IPO11: variants seen among roughly 807,000 people sequenced by gnomAD.
IPO11 encodes importin-11.
Under a neutral mutation model 143.2 loss-of-function variants are expected in IPO11, and 66 were observed. The ratio of observed to expected loss-of-function variants is 0.46; its 90% CI spans 0.38 to 0.57. IPO11 has a LOEUF of 0.57. Ranked by LOEUF, IPO11 falls within the 20% of genes least tolerant of loss-of-function variation. The probability of loss-of-function intolerance (pLI) is 0.00; values close to 1 mark genes in which losing one functional copy is unlikely to be tolerated. For missense variants in IPO11, 1,026 were observed against 1,141.0 expected (o/e 0.90, Z 1.45); for synonymous variants, 385 against 377.8 (o/e 1.02, Z -0.22).
intron 1 of IPO11, chr5:62,418,755 A>G (rs1743386233): frequency 3.3e-6 from 1 of 304,012 alleles, no homozygotes; most frequent in Non-Finnish European, 6.1e-6. Context: ...GATACATTTT[A>G]TACATATTTC....
In IPO11 at chr5:62,565,243, T is replaced by C. The variant is rs145636671; in HGVS notation, c.2582+3986T>C. 4.5e-3 allele frequency among the ~76,000 whole-genome samples: 693 copies of C among 152,338 alleles called. 5 individuals carry two copies. The highest frequency in any genetic ancestry group is 0.016 in the African/African-American group (650 of 41,586). On this transcript the variant is annotated intron_variant, in intron 27 of 29. Coordinates refer to ENST00000325324, the MANE Select transcript of IPO11 (RefSeq NM_016338.5). The stretch of plus-strand genomic sequence containing the variant: ...GCTCACACCTGTAATCCCAGCACTT[T>C]TGGAGGCCGAGGCAGGCAGATCACT...
At chr5:62,595,636 T>C (rs1745186898) in intron 28 of IPO11, among the ~76,000 whole-genome samples, 1 of 152,210 alleles carries the variant, frequency 6.6e-6, no homozygotes, top group African/African-American at 2.4e-5. Flanking sequence ...TTAACGTTGA[T>C]ACTAGTATTT....
chr5:62,544,642 GA>G (rs952846467), intron 24 of IPO11, among the ~76,000 whole-genome samples: 2 of 152,104 alleles, frequency 1.3e-5, no homozygotes, highest in Non-Finnish European at 2.9e-5. Flanking sequence ...ATTCAATTAG[GA>G]AAAGAGGAAG....
chr5:62,523,950 G>A (rs192702440), intron 20 of IPO11, among the ~76,000 whole-genome samples: 339 of 152,114 alleles, frequency 2.2e-3, no homozygotes, highest in African/African-American at 7.7e-3. Context: ...AGATTCACAG[G>A]ACGTTTGAAA....
In IPO11 at chr5:62,464,980, G is replaced by A. The variant is rs527399961; in HGVS notation, c.517-2151G>A. On this transcript the variant is annotated intron_variant, in intron 5 of 29. Coordinates refer to ENST00000325324, the MANE Select transcript of IPO11 (RefSeq NM_016338.5). ...CGGTTTAAAGTATAATAGTTTTTTGGTCTTATTTGAAATTTGGATATGGCA... is the reference window on the plus strand; with the variant it reads ...CGGTTTAAAGTATAATAGTTTTTTGATCTTATTTGAAATTTGGATATGGCA... 1.6e-4 allele frequency among the ~76,000 whole-genome samples: 25 copies of A among 152,172 alleles called. No individual in the cohort carries two copies. The South Asian group carries it at 5.2e-3, about 32-fold the overall frequency.
chr5:62,534,029 T>C (rs1580294650), intron 22 of IPO11, among the ~76,000 whole-genome samples: 1 of 152,036 alleles, frequency 6.6e-6, no homozygotes, highest in Non-Finnish European at 1.5e-5. Context: ...ATAGAACACT[T>C]TAAGATGTTT....
intron 24 of IPO11, among the ~76,000 whole-genome samples, chr5:62,545,268 A>G (rs1743126874): frequency 1.3e-5 from 2 of 152,212 alleles, no homozygotes; most frequent in South Asian, 4.1e-4. Context: ...CCAATGGAAC[A>G]TAACAGAGTC....
At chr5:62,514,151 G>A (rs1164154068) in intron 19 of IPO11, among the ~76,000 whole-genome samples, 4 of 151,868 alleles carry the variant, frequency 2.6e-5, no homozygotes, top group African/African-American at 4.9e-5. Context: ...CAGACGATGG[G>A]CAGCCAGGCA....
At chr5:62,445,836 G>A (rs992589165) in intron 3 of IPO11, among the ~76,000 whole-genome samples, 1 of 152,068 alleles carries the variant, frequency 6.6e-6, no homozygotes, top group Non-Finnish European at 1.5e-5. Context: ...TAACCCCATC[G>A]TAAGTCAGTA....
chr5:62,553,323 AGTGTGTGTGTGT>A (rs3077458), intron 26 of IPO11, among the ~76,000 whole-genome samples: 12,867 of 119,170 alleles, frequency 0.11, 579 homozygotes, highest in East Asian at 0.16. Flanking sequence ...TATTCGTGTG[AGTGTGTGTGTGT>A]GTGTGTGTGT....
chr5:62,495,888 A>G (rs190958321), intron 16 of IPO11, among the ~76,000 whole-genome samples: 1 of 152,246 alleles, frequency 6.6e-6, no homozygotes, highest in Non-Finnish European at 1.5e-5. Flanking sequence ...CCAGATATCA[A>G]CAAGTGTAAC....
chr5:62,506,770 G>T, intron 19 of IPO11, among the ~76,000 whole-genome samples: 1 of 152,120 alleles, frequency 6.6e-6, no homozygotes, highest in Middle Eastern at 3.2e-3. Flanking sequence ...ACATAAAAAT[G>T]AGGTATAAAG....
intron 25 of IPO11, 131 bp from the exon 26 acceptor site, chr5:62,551,092 T>C: frequency 2.0e-6 from 1 of 503,218 alleles, no homozygotes; most frequent in South Asian, 3.3e-5. Context: ...GCAGTATTGA[T>C]AGTTCATTCT....
At position 62,628,306 on chromosome 5, in the gene IPO11, A is replaced by T. The variant is rs1204489035; in HGVS notation, c.*988A>T. ...AGTCTTCCTTCCTTATTCCTCGAAC[A>T]TGCAGTACATAAAAAGGGGAAAAGG... On this transcript the variant is annotated 3_prime_UTR_variant, in exon 30 of 30. Coordinates refer to ENST00000325324, the MANE Select transcript of IPO11 (RefSeq NM_016338.5). The T allele has an allele frequency of 6.6e-6, 1 of 152,516 alleles. No individual in the cohort carries two copies. The highest frequency in any genetic ancestry group is 6.5e-5 in the Admixed American group (1 of 15,276). 9.4% of individuals were successfully genotyped at this position (152,516 alleles called of 1,614,324 possible).
In IPO11 at chr5:62,443,102, C is replaced by T. The variant is rs1212021072; in HGVS notation, c.239+19C>T. ...CACCTCAGTAAGTTCCATCACTTCC[C>T]CTATTCCTTGAGTATAATCCTTCCC... On this transcript the variant is annotated intron_variant, in intron 3 of 29. Coordinates refer to ENST00000325324, the MANE Select transcript of IPO11 (RefSeq NM_016338.5). The T allele has an allele frequency of 1.4e-6, 2 of 1,474,686 alleles. No individual in the cohort carries two copies. The highest frequency in any genetic ancestry group is 1.8e-5 in the Admixed American group (1 of 55,734). The allele number at this position is 1,474,686 out of a possible 1,614,324, so 91.4% of individuals were successfully genotyped here.
At position 62,508,070 on chromosome 5, in the gene IPO11, T is replaced by C. The variant is rs549484370; in HGVS notation, c.1782+1713T>C. On this transcript the variant is annotated intron_variant, in intron 19 of 29. Transcript: ENST00000325324. Reference sequence around the variant, plus strand: ...TTGTTGCATATATCCCTTAACTCTCTTTAATATGCCAAATTTGACGTTTGT... The same window carrying C: ...TTGTTGCATATATCCCTTAACTCTCCTTAATATGCCAAATTTGACGTTTGT... 5.3e-5 allele frequency among the ~76,000 whole-genome samples: 8 copies of C among 152,326 alleles called. No individual in the cohort carries two copies. In the South Asian group the frequency reaches 1.4e-3, roughly 28 times the overall value.
intron 26 of IPO11, among the ~76,000 whole-genome samples, chr5:62,553,323 AGTGTGTGTGTGTGTGT>A (rs3077458): frequency 3.5e-4 from 42 of 119,176 alleles, no homozygotes; most frequent in African/African-American, 1.0e-3. Context: ...TATTCGTGTG[AGTGTGTGTGTGTGTGT>A]GTGTGTGTGT....
At chr5:62,493,731 G>A (rs1176977568) in intron 15 of IPO11, among the ~76,000 whole-genome samples, 3 of 152,020 alleles carry the variant, frequency 2.0e-5, no homozygotes, top group African/African-American at 7.3e-5. Context: ...ACCACGCCCT[G>A]CTAATTTTTG....
At chr5:62,554,078 G>A (rs1246190500) in intron 26 of IPO11, among the ~76,000 whole-genome samples, 2 of 152,146 alleles carry the variant, frequency 1.3e-5, no homozygotes, top group East Asian at 1.9e-4. Context: ...GTATGTCTTC[G>A]TTTGAGAGCT....
Sources: allele counts gnomAD v4.1 joint callset (sites outside exome capture counted in the v4.1 genomes callset), GRCh38; gene constraint gnomAD v4.1.1; transcripts MANE v1.5; gene names NCBI Gene and HGNC (gene_info 2026-07-23, HGNC 2026-07-21).